Variants in ADGRB3 observed in about 807,000 individuals in gnomAD.
ADGRB3 encodes the protein adhesion G protein-coupled receptor B3.
A neutral mutation model predicts 193.4 loss-of-function variants in ADGRB3; 37 were observed. That is an observed-to-expected ratio of 0.19 (90% CI 0.15 to 0.25). The LOEUF (loss-of-function observed/expected upper bound fraction) is 0.25, where lower values mean the gene tolerates loss of function less well. Ranked by LOEUF, ADGRB3 falls within the 10% of genes least tolerant of loss-of-function variation. ADGRB3 has a pLI of 1.00. For missense variants in ADGRB3, 1,637 were observed against 1,852.9 expected, an observed-to-expected ratio of 0.88 and a Z score of 2.14; for synonymous variants, 690 against 644.2, an observed-to-expected ratio of 1.07 and a Z score of -1.08.
At chr6:69,072,167 A>G (rs763010880) in intron 16 of ADGRB3, among the ~76,000 whole-genome samples, 4 of 152,152 alleles carry the variant, frequency 2.6e-5, no homozygotes, top group Non-Finnish European at 5.9e-5. Context: ...AAATGTTCGA[A>G]CTATTGACCT....
rs367701953 is a variant in ADGRB3 at position 69,163,529 on chromosome 6, A to G, written c.2481-69761A>G. On this transcript the variant is annotated intron_variant, in intron 17 of 31. Transcript: ENST00000370598. ...AAAAAAATTAAGGCGGAGAAAAGCT[A>G]TATTTTCAATTTGGTCTTGCAAATG... 1.6e-4 allele frequency among the ~76,000 whole-genome samples: 24 copies of G among 152,252 alleles called. No individual in the cohort carries two copies. The East Asian group carries it at 2.9e-3, about 18-fold the overall frequency.
At chr6:68,638,164 G>A (rs1299293562) in intron 2 of ADGRB3, among the ~76,000 whole-genome samples, 4 of 152,128 alleles carry the variant, frequency 2.6e-5, no homozygotes, top group South Asian at 2.1e-4. Context: ...TACTTTTCAC[G>A]TTTAAGAGGA....
At chr6:68,718,832 C>T (rs1257093823) in intron 3 of ADGRB3, among the ~76,000 whole-genome samples, 1 of 151,732 alleles carries the variant, frequency 6.6e-6, no homozygotes, top group Admixed American at 6.6e-5. Context: ...GGCCCACTGC[C>T]TGTTTTGTAA....
intron 6 of ADGRB3, 66 bp from the exon 7 acceptor site, chr6:68,955,958 G>T: frequency 2.0e-6 from 3 of 1,535,922 alleles, no homozygotes; most frequent in Non-Finnish European, 8.8e-7. Flanking sequence ...GTTTTACCAG[G>T]TACTTTCTGT....
In ADGRB3 at chr6:68,887,588, T is replaced by TA. The variant is rs546754518; in HGVS notation, c.758-42965dup. Among the ~76,000 whole-genome samples, 45 of 152,216 alleles carry TA rather than the reference T, an allele frequency of 3.0e-4. No homozygotes were observed. In the East Asian group the frequency reaches 6.7e-3, roughly 23 times the overall value. The stretch of plus-strand genomic sequence containing the variant: ...ATGGAAAAAAATTTCTGTGCCATGA[T>TA]AAAAAATCAAGATGCTAAATATCTA... On this transcript the variant is annotated intron_variant, in intron 3 of 31. Transcript: ENST00000370598.
At chr6:68,786,428 T>A (rs1766971885) in intron 3 of ADGRB3, among the ~76,000 whole-genome samples, 3 of 152,204 alleles carry the variant, frequency 2.0e-5, no homozygotes, top group Admixed American at 2.0e-4. Context: ...CCCCATTTCT[T>A]GTTTTTGTCA....
intron 17 of ADGRB3, among the ~76,000 whole-genome samples, chr6:69,151,625 T>C (rs1303636370): frequency 6.6e-6 from 1 of 151,742 alleles, no homozygotes; most frequent in African/African-American, 2.4e-5. Flanking sequence ...TTAAATTCAG[T>C]GCTCCTGCAG....
chr6:69,080,158 T>C (rs1214745309), intron 17 of ADGRB3, among the ~76,000 whole-genome samples: 1 of 152,100 alleles, frequency 6.6e-6, no homozygotes, highest in Non-Finnish European at 1.5e-5. Flanking sequence ...TACCTCACAG[T>C]ATAACTCCTA....
intron 6 of ADGRB3, among the ~76,000 whole-genome samples, chr6:68,955,618 T>C (rs1009448447): frequency 6.6e-6 from 1 of 152,094 alleles, no homozygotes. Flanking sequence ...GGTAAAACCC[T>C]GTCTCTACTA....
chr6:68,711,864 A>G (rs1765414387), intron 3 of ADGRB3, among the ~76,000 whole-genome samples: 1 of 152,126 alleles, frequency 6.6e-6, no homozygotes, highest in Non-Finnish European at 1.5e-5. Context: ...AATTAGCATG[A>G]AAATTTATCA....
intron 3 of ADGRB3, among the ~76,000 whole-genome samples, chr6:68,693,279 T>C (rs1314282981): frequency 6.6e-6 from 1 of 151,898 alleles, no homozygotes; most frequent in Non-Finnish European, 1.5e-5. Context: ...CCTACTCCTA[T>C]TTTGACGGGT....
chr6:69,129,941 T>C (rs1773959562), intron 17 of ADGRB3, among the ~76,000 whole-genome samples: 1 of 152,204 alleles, frequency 6.6e-6, no homozygotes, highest in South Asian at 2.1e-4. Context: ...TAATTGTTTA[T>C]AACCAACTTT....
intron 3 of ADGRB3, among the ~76,000 whole-genome samples, chr6:68,793,638 C>A (rs1395918494): frequency 6.6e-6 from 1 of 152,124 alleles, no homozygotes; most frequent in Non-Finnish European, 1.5e-5. Context: ...AAGTGATTCT[C>A]CTGCTTCAGC....
At chr6:68,732,202 C>A (rs965122085) in intron 3 of ADGRB3, among the ~76,000 whole-genome samples, 2 of 151,642 alleles carry the variant, frequency 1.3e-5, no homozygotes, top group Non-Finnish European at 2.9e-5. Context: ...TTAAGGGGTA[C>A]AAGTGCAAGT....
At chr6:69,349,987 A>G (rs1341696512) in intron 26 of ADGRB3, among the ~76,000 whole-genome samples, 1 of 152,142 alleles carries the variant, frequency 6.6e-6, no homozygotes, top group African/African-American at 2.4e-5. Context: ...AGCTTCCACA[A>G]TGACGCGCTA....
chr6:69,095,674 T>TTCTGTCGA (rs1187951804), intron 17 of ADGRB3, among the ~76,000 whole-genome samples: 4 of 152,208 alleles, frequency 2.6e-5, no homozygotes, highest in Non-Finnish European at 5.9e-5. Context: ...ATTTCATGAG[T>TTCTGTCGA]TCTGTCGATA....
intron 17 of ADGRB3, among the ~76,000 whole-genome samples, chr6:69,086,447 A>T (rs927564655): frequency 3.3e-5 from 5 of 152,108 alleles, no homozygotes; most frequent in African/African-American, 1.2e-4. Flanking sequence ...AGTAGTCCGA[A>T]ATGTGATGTA....
intron 17 of ADGRB3, among the ~76,000 whole-genome samples, chr6:69,080,922 A>T (rs752276744): frequency 6.6e-6 from 1 of 152,006 alleles, no homozygotes; most frequent in Non-Finnish European, 1.5e-5. Flanking sequence ...TTCTAAATTA[A>T]CATTGTTATG....
chr6:68,788,924 CT>C lies in ADGRB3; in HGVS notation c.758-141631del, dbSNP rs532575890. Reference sequence around the variant, plus strand: ...CATTATGTAATGGCCTTCTTTGTCTCTTTTGAACTTTGTTGGTTTAAAGTCT... The same window carrying C: ...CATTATGTAATGGCCTTCTTTGTCTCTTTGAACTTTGTTGGTTTAAAGTCT... On this transcript the variant is annotated intron_variant, in intron 3 of 31. Transcript: ENST00000370598. 2.7e-3 allele frequency among the ~76,000 whole-genome samples: 414 copies of C among 152,256 alleles called. 4 individuals are homozygous for C. The highest frequency in any genetic ancestry group is 3.9e-3 in the Admixed American group (60 of 15,288).
Sources: gnomAD v4.1 joint callset for allele counts (sites outside exome capture counted in the v4.1 genomes callset) on GRCh38, gnomAD v4.1.1 for gene constraint, MANE v1.5 for transcripts, NCBI Gene and HGNC (gene_info 2026-07-23, HGNC 2026-07-21) for gene names.